Variants in EXOC4 observed in about 807,000 individuals in gnomAD.
The protein encoded by EXOC4 is SEC8-like 1.
In EXOC4, 71 loss-of-function variants were observed where a neutral mutation model predicts 107.2. The observed-to-expected ratio is 0.66, with a 90% confidence interval of 0.55 to 0.81. The LOEUF (loss-of-function observed/expected upper bound fraction) is 0.81. EXOC4 is among the 30% of genes least tolerant of loss of function. EXOC4 has a pLI of 0.00. For synonymous variants in EXOC4, 456 were observed against 441.2 expected (o/e 1.03, Z -0.42); for missense variants, 1,108 against 1,189.6 (o/e 0.93, Z 1.01).
intron 17 of EXOC4, among the ~76,000 whole-genome samples, chr7:134,029,026 T>C (rs1038417729): frequency 1.3e-5 from 2 of 152,186 alleles, no homozygotes; most frequent in Non-Finnish European, 2.9e-5. Context: ...ATTGTGATGA[T>C]AAGACACCCA....
chr7:133,741,865 T>G (rs1460527981), intron 10 of EXOC4, among the ~76,000 whole-genome samples: 1 of 152,178 alleles, frequency 6.6e-6, no homozygotes, highest in Admixed American at 6.5e-5. Flanking sequence ...TCCAGTGATT[T>G]GTTTGCCATT....
intron 13 of EXOC4, among the ~76,000 whole-genome samples, chr7:133,928,208 G>T (rs1285553545): frequency 2.0e-5 from 3 of 151,940 alleles, no homozygotes; most frequent in Non-Finnish European, 2.9e-5. Flanking sequence ...TTCTTCCAAG[G>T]TAGTCCCACT....
intron 3 of EXOC4, chr7:133,290,886 G>A (rs1794389867): frequency 6.6e-6 from 1 of 152,178 alleles, no homozygotes; most frequent in Admixed American, 6.5e-5. Flanking sequence ...TATGTGGAAT[G>A]TCACCTGTGT....
intron 10 of EXOC4, among the ~76,000 whole-genome samples, chr7:133,650,432 T>C (rs542813130): frequency 6.6e-6 from 1 of 152,308 alleles, no homozygotes; most frequent in African/African-American, 2.4e-5. Flanking sequence ...CTTTCTAGAA[T>C]GAAAATTATG....
At position 133,562,881 on chromosome 7, in the gene EXOC4, G is replaced by C. The variant is rs115388660; in HGVS notation, c.1418-67164G>C. On this transcript the variant is annotated intron_variant, in intron 9 of 17. Coordinates refer to ENST00000253861, the MANE Select transcript of EXOC4 (RefSeq NM_021807.4). ...ATCACATTTTGGTATTGCTAGCCCT[G>C]CTGTGGCCAAACTGAATACTATCCT... Among the ~76,000 whole-genome samples the C allele has an allele frequency of 6.6e-3, 999 of 152,238 alleles. 8 individuals carry two copies. Among genetic ancestry groups the C allele is most frequent in the African/African-American group, 0.02 (818 of 41,536 alleles).
chr7:133,682,314 T>A (rs1183792388), intron 10 of EXOC4, among the ~76,000 whole-genome samples: 1 of 152,224 alleles, frequency 6.6e-6, no homozygotes, highest in East Asian at 1.9e-4. Flanking sequence ...ACCATTTTGG[T>A]ATGAAATTCT....
At chr7:133,509,120 G>A (rs934458529) in intron 9 of EXOC4, among the ~76,000 whole-genome samples, 1 of 152,010 alleles carries the variant, frequency 6.6e-6, no homozygotes, top group Non-Finnish European at 1.5e-5. Flanking sequence ...CTGCAGTTGG[G>A]TGCAACCATT....
chr7:133,415,500 T>C (rs1057428109), intron 7 of EXOC4, among the ~76,000 whole-genome samples: 2 of 152,148 alleles, frequency 1.3e-5, no homozygotes, highest in African/African-American at 4.8e-5. Context: ...TTGATTTGCA[T>C]TTCTCTGGTG....
chr7:133,355,625 G>A (rs1430995499), intron 5 of EXOC4, among the ~76,000 whole-genome samples: 1 of 151,902 alleles, frequency 6.6e-6, no homozygotes, highest in Admixed American at 6.6e-5. Flanking sequence ...AAAGAATGCT[G>A]TATTCTAAAG....
chr7:133,601,388 T>A (rs1040091636), intron 9 of EXOC4, among the ~76,000 whole-genome samples: 2 of 152,080 alleles, frequency 1.3e-5, no homozygotes, highest in African/African-American at 4.8e-5. Context: ...TATATATATA[T>A]TTTTGGAGGA....
intron 2 of EXOC4, 73 bp from the exon 3 acceptor site, chr7:133,288,849 A>G: frequency 7.9e-7 from 1 of 1,258,822 alleles, no homozygotes; most frequent in Non-Finnish European, 1.1e-6. Flanking sequence ...ACCAGTGAAG[A>G]CTACTAACCA....
chr7:133,907,483 G>A lies in EXOC4; in HGVS notation c.1872-10100G>A, dbSNP rs185204785. ...ACTAGGTCCACTGAGAGTTGGGCCC[G>A]GGCAAGTTTAGTTTAAAAATATCCT... On this transcript the variant is annotated intron_variant, in intron 12 of 17. Coordinates refer to ENST00000253861, the MANE Select transcript of EXOC4 (RefSeq NM_021807.4). Among the ~76,000 whole-genome samples, 53 of 152,150 alleles carry A rather than the reference G, an allele frequency of 3.5e-4. 1 individual carries two copies. Among genetic ancestry groups the A allele is most frequent in the East Asian group, 1.9e-4 (1 of 5,176 alleles).
chr7:134,094,362 G>A, the EXOC4 span, among the ~76,000 whole-genome samples: 1 of 152,080 alleles, frequency 6.6e-6, no homozygotes, highest in Non-Finnish European at 1.5e-5. Context: ...AACTGAATCA[G>A]GAAGAAATTG....
At chr7:133,488,519 G>T (rs1429242113) in intron 9 of EXOC4, among the ~76,000 whole-genome samples, 1 of 152,032 alleles carries the variant, frequency 6.6e-6, no homozygotes, top group Non-Finnish European at 1.5e-5. Context: ...AGGGAGAAAT[G>T]ACTTTACAAA....
chr7:134,036,600 A>G (rs921607860), intron 17 of EXOC4, among the ~76,000 whole-genome samples: 3 of 152,156 alleles, frequency 2.0e-5, no homozygotes, highest in Admixed American at 1.3e-4. Flanking sequence ...AAGAAAAAAA[A>G]GAGAGAGAAT....
intron 11 of EXOC4, among the ~76,000 whole-genome samples, chr7:133,828,769 A>C (rs1797751860): frequency 6.6e-6 from 1 of 152,206 alleles, no homozygotes; most frequent in Admixed American, 6.5e-5. Flanking sequence ...AATAAAATGA[A>C]ATGATTAATA....
chr7:133,662,686 T>C (rs898105957), intron 10 of EXOC4, among the ~76,000 whole-genome samples: 7 of 152,074 alleles, frequency 4.6e-5, no homozygotes, highest in African/African-American at 1.4e-4. Context: ...TCCTCCTCTT[T>C]TCTAAAATAA....
chr7:134,015,616 C>T (rs1418364268), intron 17 of EXOC4, among the ~76,000 whole-genome samples: 1 of 152,130 alleles, frequency 6.6e-6, no homozygotes, highest in East Asian at 1.9e-4. Context: ...GTGGCTCACA[C>T]CTGTAATCCC....
At chr7:133,697,631 C>G (rs574618613) in intron 10 of EXOC4, among the ~76,000 whole-genome samples, 2 of 152,262 alleles carry the variant, frequency 1.3e-5, no homozygotes, top group South Asian at 2.1e-4. Flanking sequence ...GGGACCACTG[C>G]GATGGGGCCT....
Sources: gnomAD v4.1 joint callset for allele counts (sites outside exome capture counted in the v4.1 genomes callset) on GRCh38, gnomAD v4.1.1 for gene constraint, MANE v1.5 for transcripts, NCBI Gene and HGNC (gene_info 2026-07-23, HGNC 2026-07-21) for gene names.